PDE1C: variants seen among roughly 807,000 people sequenced by gnomAD.
The protein encoded by PDE1C is phosphodiesterase 1C.
Under a neutral mutation model 93.1 loss-of-function variants are expected in PDE1C, and 62 were observed. The observed-to-expected ratio is 0.67, with a 90% confidence interval of 0.54 to 0.82. The LOEUF (loss-of-function observed/expected upper bound fraction) is 0.82, where lower values mean the gene tolerates loss of function less well. Ranked by LOEUF, PDE1C falls within the 40% of genes least tolerant of loss-of-function variation. PDE1C has a pLI of 0.00. For missense variants in PDE1C, 742 were observed against 884.6 expected, an observed-to-expected ratio of 0.84 and a Z score of 2.04; for synonymous variants, 325 against 310.1, an observed-to-expected ratio of 1.05 and a Z score of -0.50.
At chr7:32,419,311 T>C (rs568819513) in intron 1 of PDE1C, among the ~76,000 whole-genome samples, 1 of 152,272 alleles carries the variant, frequency 6.6e-6, no homozygotes, top group Admixed American at 6.5e-5. Context: ...AGAATATTTA[T>C]AAGACAGAAC....
intron 1 of PDE1C, among the ~76,000 whole-genome samples, chr7:32,318,466 C>T (rs770511827): frequency 6.6e-6 from 1 of 152,220 alleles, no homozygotes; most frequent in African/African-American, 2.4e-5. Context: ...GCGGTCTACA[C>T]AGCTGTGCTT....
chr7:32,397,202 A>G (rs930657782), intron 1 of PDE1C, among the ~76,000 whole-genome samples: 5 of 152,230 alleles, frequency 3.3e-5, no homozygotes, highest in African/African-American at 9.6e-5. Context: ...TGTTCATAAC[A>G]TATAACAGAT....
At chr7:31,781,808 A>G (rs1584048089) in intron 16 of PDE1C, among the ~76,000 whole-genome samples, 1 of 151,576 alleles carries the variant, frequency 6.6e-6, no homozygotes, top group African/African-American at 2.4e-5. Flanking sequence ...CATCAATACT[A>G]GGTTTAGTTT....
the PDE1C span, among the ~76,000 whole-genome samples, chr7:31,732,910 T>C: frequency 6.6e-6 from 1 of 152,194 alleles, no homozygotes; most frequent in African/African-American, 2.4e-5. Context: ...GTGATTCATC[T>C]GTACATTAAG....
At chr7:32,161,911 A>T (rs1801951278) in intron 3 of PDE1C, among the ~76,000 whole-genome samples, 1 of 152,144 alleles carries the variant, frequency 6.6e-6, no homozygotes, top group Non-Finnish European at 1.5e-5. Flanking sequence ...GATGAGCTAC[A>T]TTCCTGGGGG....
chr7:32,253,971 T>C (rs1809591027), intron 1 of PDE1C, among the ~76,000 whole-genome samples: 1 of 151,996 alleles, frequency 6.6e-6, no homozygotes, highest in Admixed American at 6.6e-5. Flanking sequence ...GCATGACGCA[T>C]TTGGAAAACG....
At chr7:32,147,262 AAGAAAGAAAAAAAG>A (rs1800906484) in intron 3 of PDE1C, among the ~76,000 whole-genome samples, 4 of 91,272 alleles carry the variant, frequency 4.4e-5, no homozygotes, top group Admixed American at 1.2e-4. Flanking sequence ...AAAAGAAAGA[AAGAAAGAAAAAAAG>A]AAAGAAAGAA....
intron 1 of PDE1C, among the ~76,000 whole-genome samples, chr7:32,348,771 C>A (rs1473802910): frequency 6.6e-6 from 1 of 152,170 alleles, no homozygotes; most frequent in African/African-American, 2.4e-5. Context: ...GTATCTTAAG[C>A]CAGTGACTCA....
At chr7:31,930,316 A>G (rs1401920769) in intron 2 of PDE1C, among the ~76,000 whole-genome samples, 2 of 152,220 alleles carry the variant, frequency 1.3e-5, no homozygotes, top group East Asian at 3.9e-4. Context: ...TCACAGCCAA[A>G]TTCCACCAGA....
intron 2 of PDE1C, among the ~76,000 whole-genome samples, chr7:31,918,917 G>A (rs1232611318): frequency 6.6e-6 from 1 of 152,168 alleles, no homozygotes; most frequent in Non-Finnish European, 1.5e-5. Flanking sequence ...GTTCCCTGGT[G>A]GGACAGACTA....
intron 2 of PDE1C, among the ~76,000 whole-genome samples, chr7:31,892,807 CAG>C (rs1172934326): frequency 1.3e-5 from 2 of 152,070 alleles, no homozygotes; most frequent in African/African-American, 4.8e-5. Flanking sequence ...TACAAAGTTC[CAG>C]TTACACAGAA....
chr7:31,685,122 T>G, the PDE1C span, among the ~76,000 whole-genome samples: 1 of 149,876 alleles, frequency 6.7e-6, no homozygotes, highest in South Asian at 2.1e-4. Context: ...TAATGCTGAG[T>G]GAAAAAAAAA....
rs1794199246 is a variant in PDE1C, at chr7:31,752,741, C to T, written c.*643G>A. 1 of 152,080 alleles carries T rather than the reference C, an allele frequency of 6.6e-6. No homozygotes were observed. The highest frequency in any genetic ancestry group is 6.5e-5 in the Admixed American group (1 of 15,268). The allele number at this position is 152,080 out of a possible 1,614,324, so 9.4% of individuals were successfully genotyped here. A position where few individuals can be genotyped will look rare whatever the true frequency, so the allele number is the denominator to read the frequency against. On this transcript the variant is annotated 3_prime_UTR_variant, in exon 18 of 18. Transcript: ENST00000396191. ...CATGAGGCACAATCTTCATGAGGCA[C>T]AAAAATCTTTTTTTGTTTTTTAACT... is the stretch of plus-strand genomic sequence containing the variant.
At chr7:31,964,333 C>T (rs1809538259) in intron 2 of PDE1C, among the ~76,000 whole-genome samples, 1 of 152,220 alleles carries the variant, frequency 6.6e-6, no homozygotes. Flanking sequence ...TTGGAGGGTC[C>T]TATGCCCACG....
chr7:32,085,113 A>G (rs1031238710), intron 3 of PDE1C, among the ~76,000 whole-genome samples: 7 of 150,518 alleles, frequency 4.7e-5, no homozygotes, highest in African/African-American at 1.7e-4. Context: ...TAGCAAGACT[A>G]ATAAAGAAAA....
intron 2 of PDE1C, among the ~76,000 whole-genome samples, chr7:32,181,717 C>A (rs1412691475): frequency 6.6e-6 from 1 of 151,900 alleles, no homozygotes; most frequent in African/African-American, 2.4e-5. Flanking sequence ...AAAATTGACA[C>A]CCTAACATCA....
At chr7:31,939,127 G>A (rs1312875736) in intron 2 of PDE1C, among the ~76,000 whole-genome samples, 1 of 152,138 alleles carries the variant, frequency 6.6e-6, no homozygotes, top group Non-Finnish European at 1.5e-5. Flanking sequence ...AAACTAGGTG[G>A]TTGGTCTAAT....
upstream of PDE1C, chr7:32,070,599 A>G: frequency 1.4e-6 from 2 of 1,422,598 alleles, no homozygotes; most frequent in Non-Finnish European, 9.2e-7. Context: ...TGCGCTCCGG[A>G]GGCAGCTGCG....
the PDE1C span, among the ~76,000 whole-genome samples, chr7:31,728,781 G>C: frequency 6.6e-6 from 1 of 152,210 alleles, no homozygotes; most frequent in African/African-American, 2.4e-5. Context: ...TGCCAGGGAA[G>C]TCTTAGAGGA....
Sources: allele counts gnomAD v4.1 joint callset (sites outside exome capture counted in the v4.1 genomes callset), GRCh38; gene constraint gnomAD v4.1.1; transcripts MANE v1.5; gene names NCBI Gene and HGNC (gene_info 2026-07-23, HGNC 2026-07-21).